DEUP1: variants seen among roughly 807,000 people sequenced by gnomAD.
DEUP1 encodes the protein deuterosome assembly protein 1.
A neutral mutation model predicts 87.4 loss-of-function variants in DEUP1; 82 were observed. That is an observed-to-expected ratio of 0.94 (90% confidence interval 0.78 to 1.13). The LOEUF (loss-of-function observed/expected upper bound fraction) is 1.13, where lower values mean the gene tolerates loss of function less well. DEUP1 is among the 50% of genes most tolerant of loss of function. DEUP1 has a pLI of 0.00. For synonymous variants in DEUP1, 214 were observed against 222.7 expected, an observed-to-expected ratio of 0.96 and a Z score of 0.35; for missense variants, 663 against 681.5, an observed-to-expected ratio of 0.97 and a Z score of 0.30.
intron 12 of DEUP1, 35 bp from the exon 13 acceptor site, chr11:93,414,965 G>A (rs1947560569): frequency 8.2e-7 from 1 of 1,213,706 alleles, no homozygotes; most frequent in South Asian, 2.0e-5. Context: ...ATGTGTCCTT[G>A]ATAGCAACAA....
In DEUP1 at chr11:93,437,748, CCCCCA is replaced by C; in HGVS notation, c.*34_*38del. On this transcript the variant is annotated 3_prime_UTR_variant, in exon 14 of 14. Coordinates refer to ENST00000298050, the MANE Select transcript of DEUP1 (RefSeq NM_181645.4). ...TTTAAACTTTTTTATTTGCTTCCCC[CCCCCA>C]CCCCCGCCAAGAAAAAAAGCTCTGG... 9.4e-7 allele frequency: 1 copy of C among 1,065,202 alleles called. No individual in the cohort carries two copies. The highest frequency in any genetic ancestry group is 1.3e-6 in the Non-Finnish European group (1 of 744,322). 66.0% of individuals were successfully genotyped at this position (1,065,202 alleles called of 1,614,324 possible).
chr11:93,364,096 A>C lies in DEUP1; in HGVS notation c.298-64A>C, dbSNP rs1945302454. On this transcript the variant is annotated intron_variant, in intron 4 of 13. Transcript: ENST00000298050. The stretch of plus-strand genomic sequence containing the variant: ...CAAAGAGGTACACAGGAAAAGAGAT[A>C]TAGTGAAATCAGGTTAGAAATAATT... The C allele has an allele frequency of 3.3e-6, 4 of 1,195,174 alleles. No individual in the cohort carries two copies. In the South Asian group the frequency reaches 5.7e-5, roughly 17 times the overall value. The allele number at this position is 1,195,174 out of a possible 1,614,324, so 74.0% of individuals were successfully genotyped here.
intron 2 of DEUP1, among the ~76,000 whole-genome samples, chr11:93,353,369 C>T (rs920894125): frequency 6.6e-6 from 1 of 152,190 alleles, no homozygotes; most frequent in African/African-American, 2.4e-5. Flanking sequence ...AGCCTCCCTC[C>T]AGGCTGCTTT....
At chr11:93,369,057 A>G (rs890884410) in intron 5 of DEUP1, among the ~76,000 whole-genome samples, 2 of 152,068 alleles carry the variant, frequency 1.3e-5, no homozygotes, top group Non-Finnish European at 2.9e-5. Context: ...GAGCCAAACC[A>G]TATCCCCCAG....
At chr11:93,341,836 A>T (rs1290117037) in intron 2 of DEUP1, among the ~76,000 whole-genome samples, 3 of 152,210 alleles carry the variant, frequency 2.0e-5, no homozygotes, top group African/African-American at 7.2e-5. Flanking sequence ...GCCCAAAATC[A>T]GTATCAATGG....
At chr11:93,344,252 G>C (rs535541021) in intron 2 of DEUP1, among the ~76,000 whole-genome samples, 2 of 151,788 alleles carry the variant, frequency 1.3e-5, no homozygotes, top group South Asian at 2.1e-4. Flanking sequence ...TATGTCTCGG[G>C]TCTGATACAG....
At chr11:93,400,483 C>T (rs1359483830) in intron 11 of DEUP1, among the ~76,000 whole-genome samples, 1 of 152,044 alleles carries the variant, frequency 6.6e-6, no homozygotes, top group African/African-American at 2.4e-5. Context: ...GTTTCTGTGC[C>T]CAAATTTTCC....
Position 93,368,780 on chromosome 11 carries a change from C to T in DEUP1, c.433-1293C>T, listed in dbSNP as rs557233978. ...TGAAATGCTGTCTCTACTAAAAATACAAAAAATTATCCGGGTGTAGTGGCA... is the reference window on the plus strand; with the variant it reads ...TGAAATGCTGTCTCTACTAAAAATATAAAAAATTATCCGGGTGTAGTGGCA... On this transcript the variant is annotated intron_variant, in intron 5 of 13. Coordinates refer to ENST00000298050, the MANE Select transcript of DEUP1 (RefSeq NM_181645.4). Among the ~76,000 whole-genome samples the T allele has an allele frequency of 7.8e-4, 119 of 151,978 alleles. 1 individual carries two copies. The highest frequency in any genetic ancestry group is 9.7e-4 in the East Asian group (5 of 5,152).
At chr11:93,362,074 A>T (rs1035170980) in intron 4 of DEUP1, among the ~76,000 whole-genome samples, 1 of 152,062 alleles carries the variant, frequency 6.6e-6, no homozygotes, top group East Asian at 1.9e-4. Flanking sequence ...CTCAAAATGG[A>T]TCAAAGATCC....
intron 7 of DEUP1, among the ~76,000 whole-genome samples, chr11:93,379,123 A>G (rs1427070928): frequency 6.6e-6 from 1 of 152,120 alleles, no homozygotes; most frequent in East Asian, 1.9e-4. Context: ...AGTTCCTTTT[A>G]ATATCCCCAA....
intron 7 of DEUP1, among the ~76,000 whole-genome samples, chr11:93,379,525 A>G (rs917135610): frequency 6.6e-6 from 1 of 152,224 alleles, no homozygotes; most frequent in African/African-American, 2.4e-5. Flanking sequence ...TCTCACACTT[A>G]TCACAATGAC....
At chr11:93,331,508 T>C (rs186440068) in intron 1 of DEUP1, among the ~76,000 whole-genome samples, 81 of 152,256 alleles carry the variant, frequency 5.3e-4, no homozygotes, top group Non-Finnish European at 1.1e-3. Flanking sequence ...CTCATAGTTA[T>C]AGTCATCCTA....
At chr11:93,369,044 A>G (rs1591156078) in intron 5 of DEUP1, among the ~76,000 whole-genome samples, 1 of 152,276 alleles carries the variant, frequency 6.6e-6, no homozygotes, top group East Asian at 1.9e-4. Context: ...GGATGGGGAC[A>G]CAGAGCCAAA....
At chr11:93,348,486 C>T (rs1423325624) in intron 2 of DEUP1, among the ~76,000 whole-genome samples, 3 of 152,104 alleles carry the variant, frequency 2.0e-5, no homozygotes, top group African/African-American at 4.8e-5. Flanking sequence ...TAAAATTTTC[C>T]TCTTAACACT....
intron 13 of DEUP1, among the ~76,000 whole-genome samples, chr11:93,428,970 G>T (rs527795164): frequency 6.6e-6 from 1 of 152,138 alleles, no homozygotes; most frequent in African/African-American, 2.4e-5. Flanking sequence ...ATGTTTCTCT[G>T]GTGAATAATG....
intron 2 of DEUP1, among the ~76,000 whole-genome samples, chr11:93,339,788 G>A (rs975070295): frequency 1.3e-5 from 2 of 152,156 alleles, no homozygotes; most frequent in African/African-American, 4.8e-5. Flanking sequence ...AGCCAAGGTG[G>A]TATCAGTGCA....
At chr11:93,381,042 T>TA (rs1299135567) in intron 7 of DEUP1, among the ~76,000 whole-genome samples, 1 of 152,228 alleles carries the variant, frequency 6.6e-6, no homozygotes, top group Non-Finnish European at 1.5e-5. Flanking sequence ...TTCATCCATT[T>TA]AGGTAAAAAT....
At chr11:93,368,780 C>CA (rs1224265575) in intron 5 of DEUP1, among the ~76,000 whole-genome samples, 3 of 151,860 alleles carry the variant, frequency 2.0e-5, no homozygotes, top group Non-Finnish European at 2.9e-5. Flanking sequence ...ACTAAAAATA[C>CA]AAAAAATTAT....
intron 9 of DEUP1, 76 bp downstream of exon 9, chr11:93,389,201 TTTC>T: frequency 2.5e-6 from 2 of 800,966 alleles, no homozygotes; most frequent in Non-Finnish European, 4.0e-6. Flanking sequence ...AAAAAAAATC[TTTC>T]TTCTCACTCC....
Sources: allele counts gnomAD v4.1 joint callset (sites outside exome capture counted in the v4.1 genomes callset), GRCh38; gene constraint gnomAD v4.1.1; transcripts MANE v1.5; gene names NCBI Gene and HGNC (gene_info 2026-07-23, HGNC 2026-07-21).